MSN: variants seen among roughly 807,000 people sequenced by gnomAD.
MSN encodes the protein epididymis luminal protein 70.
A neutral mutation model predicts 48.0 loss-of-function variants in MSN; 2 were observed. That is an observed-to-expected ratio of 0.04 (90% CI 0.02 to 0.13). MSN has a LOEUF of 0.13. MSN is among the 10% of genes least tolerant of loss of function. The pLI is 1.00. For synonymous variants in MSN, 146 were observed against 166.9 expected (o/e 0.87, Z 0.97); for missense variants, 267 against 470.1 (o/e 0.57, Z 3.99).
At chrX:65,654,401 G>T (rs1337886620) in intron 1 of MSN, among the ~76,000 whole-genome samples, 1 of 109,927 alleles carries the variant, frequency 9.1e-6, no homozygotes. Context: ...GATTACAGGC[G>T]AGCCACCACG....
intron 1 of MSN, among the ~76,000 whole-genome samples, chrX:65,683,731 G>A (rs770419355): frequency 9.0e-6 from 1 of 110,533 alleles, no homozygotes; most frequent in Non-Finnish European, 1.9e-5. Context: ...CTGCTGTGTG[G>A]TGGAACAGAT....
intron 1 of MSN, among the ~76,000 whole-genome samples, chrX:65,608,370 T>C (rs954959752): frequency 1.8e-5 from 2 of 111,220 alleles, no homozygotes; most frequent in Non-Finnish European, 3.8e-5. Context: ...GATGTGTTCA[T>C]ACCTGAGTGG....
rs2070225896 is a variant in MSN at position 65,600,497 on chromosome X, G to C, written c.-22+11885G>C. On this transcript the variant is annotated intron_variant, in intron 1 of 3. Transcript: ENST00000609672. Reference sequence around the variant, plus strand: ...CTTCTAAATTGTGTTTGCTAAGCTAGGCTGTGGTGCATTTGATTGACTAAA... The same window carrying C: ...CTTCTAAATTGTGTTTGCTAAGCTACGCTGTGGTGCATTTGATTGACTAAA... Among the ~76,000 whole-genome samples, 6 of 112,027 alleles carry C rather than the reference G, an allele frequency of 5.4e-5. No individual in the cohort carries two copies. In the Admixed American group the frequency reaches 5.7e-4, roughly 11 times the overall value.
intron 1 of MSN, among the ~76,000 whole-genome samples, chrX:65,611,103 G>T (rs1244325026): frequency 9.1e-6 from 1 of 109,493 alleles, no homozygotes; most frequent in Non-Finnish European, 1.9e-5. Flanking sequence ...ACTACTTCAG[G>T]TACCTCATAC....
At chrX:65,667,161 A>G (rs959623104), upstream of MSN, among the ~76,000 whole-genome samples, 2 of 112,040 alleles carry the variant, frequency 1.8e-5, no homozygotes, top group African/African-American at 3.2e-5. Context: ...GCCTTTGAGG[A>G]GCTGTTAGGG....
intron 1 of MSN, among the ~76,000 whole-genome samples, chrX:65,684,564 G>A (rs889722607): frequency 9.1e-6 from 1 of 109,352 alleles, no homozygotes; most frequent in Middle Eastern, 4.6e-3. Flanking sequence ...TCGGCCTCCC[G>A]AGTAACTGGG....
intron 1 of MSN, among the ~76,000 whole-genome samples, chrX:65,672,543 A>G (rs186319381): frequency 8.9e-5 from 10 of 111,947 alleles, no homozygotes; most frequent in East Asian, 2.8e-4. Flanking sequence ...TCTGTGGTAT[A>G]GAAGTTGTCA....
chrX:65,641,769 A>G (rs1396325409), intron 1 of MSN, among the ~76,000 whole-genome samples: 4 of 105,806 alleles, frequency 3.8e-5, no homozygotes, highest in Non-Finnish European at 7.8e-5. Context: ...AGGAATAAAT[A>G]TAGCTAAGCG....
chrX:65,593,684 A>G (rs2070165770), intron 1 of MSN, among the ~76,000 whole-genome samples: 1 of 111,934 alleles, frequency 8.9e-6, no homozygotes, highest in African/African-American at 3.3e-5. Flanking sequence ...CTCGGATTAC[A>G]GGCGCATGCC....
At chrX:65,721,346 A>G (rs181768536) in intron 2 of MSN, among the ~76,000 whole-genome samples, 74 of 112,076 alleles carry the variant, frequency 6.6e-4, no homozygotes, top group Non-Finnish European at 1.1e-3. Context: ...TAAAATGATA[A>G]TCATGCTAAT....
intron 1 of MSN, among the ~76,000 whole-genome samples, chrX:65,688,581 T>C (rs1431132222): frequency 1.8e-5 from 2 of 112,170 alleles, no homozygotes; most frequent in Admixed American, 1.9e-4. Flanking sequence ...GCTCTGGTCA[T>C]GGTTAGGTCA....
chrX:65,715,916 G>C (rs1428022666), intron 1 of MSN, among the ~76,000 whole-genome samples: 1 of 111,957 alleles, frequency 8.9e-6, no homozygotes, highest in Non-Finnish European at 1.9e-5. Context: ...TTTTAAAAGG[G>C]AATGCTTCCA....
chrX:65,682,423 C>T (rs749219959), intron 1 of MSN, among the ~76,000 whole-genome samples: 1 of 111,990 alleles, frequency 8.9e-6, no homozygotes, highest in Admixed American at 9.5e-5. Context: ...GCTGCCTTGG[C>T]CATTTGCATA....
rs2070495317 is a variant in MSN, at chrX:65,625,363, T to C, written c.-22+36751T>C. On this transcript the variant is annotated intron_variant, in intron 1 of 3. Coordinates refer to the MSN transcript ENST00000609672. ...TTATTCATCTTCTGTCTATCCATTG[T>C]TTAGAATAGGGTATTGTGTCTTCCA... is the stretch of plus-strand genomic sequence containing the variant. The C allele has an allele frequency of 2.7e-5, 3 of 112,259 alleles. No individual in the cohort carries two copies. The Admixed American group carries it at 2.8e-4, about 11-fold the overall frequency. 9.3% of individuals were successfully genotyped at this position (112,259 alleles called of 1,213,427 possible).
intron 1 of MSN, among the ~76,000 whole-genome samples, chrX:65,597,647 C>T (rs1401769470): frequency 8.9e-6 from 1 of 112,253 alleles, no homozygotes; most frequent in African/African-American, 3.2e-5. Context: ...CATGCCCAGT[C>T]CAATAGTGCT....
intron 1 of MSN, among the ~76,000 whole-genome samples, chrX:65,633,555 C>G (rs1372000532): frequency 8.9e-6 from 1 of 112,033 alleles, no homozygotes; most frequent in Non-Finnish European, 1.9e-5. Flanking sequence ...AGGCCTCTCA[C>G]AGGCTTTCCT....
chrX:65,728,038 C>T (rs2071584998), intron 3 of MSN, 129 bp downstream of exon 3: 1 of 529,294 alleles, frequency 1.9e-6, no homozygotes, highest in East Asian at 3.7e-5. Context: ...GGTCTGTTGA[C>T]CACTTGGATC....
At chrX:65,664,633 C>T (rs2070852648), upstream of MSN, among the ~76,000 whole-genome samples, 3 of 109,100 alleles carry the variant, frequency 2.7e-5, no homozygotes, top group Admixed American at 9.9e-5. Flanking sequence ...CTCTATTTCC[C>T]ATCCTCTCCT....
At chrX:65,635,352 T>C (rs961859098) in intron 1 of MSN, among the ~76,000 whole-genome samples, 1 of 111,453 alleles carries the variant, frequency 9.0e-6, no homozygotes, top group Non-Finnish European at 1.9e-5. Flanking sequence ...CACAGGGACC[T>C]TTACAGAGGG....
Sources: allele counts gnomAD v4.1 joint callset (sites outside exome capture counted in the v4.1 genomes callset), GRCh38; gene constraint gnomAD v4.1.1; transcripts MANE v1.5; gene names NCBI Gene and HGNC (gene_info 2026-07-23, HGNC 2026-07-21).